DIAPH3: variants seen among roughly 807,000 people sequenced by gnomAD.
The protein encoded by DIAPH3 is diaphanous related formin 3, also known as protein diaphanous homolog 3.
DIAPH3 carries 117 observed loss-of-function variants against 144.3 expected under a neutral mutation model. That is an observed-to-expected ratio of 0.81 (90% CI 0.70 to 0.95). The LOEUF (loss-of-function observed/expected upper bound fraction) is 0.95. DIAPH3 is among the 40% of genes least tolerant of loss of function. The pLI, the probability that DIAPH3 is intolerant of heterozygous loss-of-function variation, is 0.00. For synonymous variants in DIAPH3, 519 were observed against 488.9 expected, an observed-to-expected ratio of 1.06 and a Z score of -0.81; for missense variants, 1,421 against 1,412.7, an observed-to-expected ratio of 1.01 and a Z score of -0.09.
intron 3 of DIAPH3, among the ~76,000 whole-genome samples, chr13:60,104,393 A>G (rs369550567): frequency 2.0e-5 from 3 of 152,342 alleles, no homozygotes; most frequent in South Asian, 4.1e-4. Flanking sequence ...AAAGAAAGTC[A>G]GATGGCTAGC....
intron 27 of DIAPH3, among the ~76,000 whole-genome samples, chr13:59,732,791 T>G (rs1012706061): frequency 1.3e-5 from 2 of 152,050 alleles, no homozygotes; most frequent in African/African-American, 4.8e-5. Flanking sequence ...CCTCTCAAGT[T>G]TTAGGTTTAC....
At chr13:59,666,954 C>G in intron 27 of DIAPH3, 108 bp from the exon 28 acceptor site, 2 of 1,261,382 alleles carry the variant, frequency 1.6e-6, no homozygotes, top group Non-Finnish European at 2.2e-6. Flanking sequence ...AAGTAGTCTT[C>G]TTAGATAGAC....
At position 59,833,180 on chromosome 13, in the gene DIAPH3, T is replaced by C. The variant is rs1376914258; in HGVS notation, c.2954A>G (p.Tyr985Cys). 3 of 1,610,786 alleles carry C rather than the reference T, an allele frequency of 1.9e-6. No homozygotes were observed. The highest frequency in any genetic ancestry group is 2.2e-5 in the East Asian group (1 of 44,724). ...EKLYQSIIGY[Y>C]AIDVKKVSVE... ...AGACACCTTCTTCACATCAATGGCA[T>C]AGTATCCTATTATACTCTGGTATAA... is the stretch of plus-strand genomic sequence containing the variant. Residue 985 changes from tyrosine (Y) to cysteine (C), a missense_variant, in exon 24 of 28, where the codon TAT becomes TGT. Physicochemically the swap from Tyr to Cys is radical, Grantham distance 194. Transcript: ENST00000400324.
intron 20 of DIAPH3, among the ~76,000 whole-genome samples, chr13:59,890,231 C>T (rs1351507547): frequency 6.6e-6 from 1 of 152,056 alleles, no homozygotes; most frequent in Non-Finnish European, 1.5e-5. Context: ...AGTGCTCTGC[C>T]CTGTAGATAC....
At chr13:59,815,834 G>C (rs1246678471) in intron 24 of DIAPH3, among the ~76,000 whole-genome samples, 2 of 151,916 alleles carry the variant, frequency 1.3e-5, no homozygotes, top group African/African-American at 2.4e-5. Context: ...ATTTGTTTTT[G>C]CTATTCATAG....
chr13:59,695,076 A>C (rs1443125020), intron 27 of DIAPH3, among the ~76,000 whole-genome samples: 1 of 152,210 alleles, frequency 6.6e-6, no homozygotes, highest in African/African-American at 2.4e-5. Context: ...ACTTTGAACC[A>C]CTGCCATAGC....
At chr13:60,035,246 G>C (rs1414808934) in intron 5 of DIAPH3, among the ~76,000 whole-genome samples, 1 of 152,014 alleles carries the variant, frequency 6.6e-6, no homozygotes, top group African/African-American at 2.4e-5. Flanking sequence ...TGTGCTCTTT[G>C]TTTACTGTTA....
chr13:59,673,211 C>T lies in DIAPH3; in HGVS notation c.3320-6365G>A, dbSNP rs375944742. Among the ~76,000 whole-genome samples, 17 of 152,308 alleles carry T rather than the reference C, an allele frequency of 1.1e-4. No individual in the cohort carries two copies. The South Asian group carries it at 3.1e-3, about 28-fold the overall frequency. ...ATCTTCCTGATTTGTAATATGCTAC[C>T]TGAGTTGGATACTCTTTTCCATATC... On this transcript the variant is annotated intron_variant, in intron 27 of 27. Coordinates refer to ENST00000400324, the MANE Select transcript of DIAPH3 (RefSeq NM_001042517.2).
intron 4 of DIAPH3, among the ~76,000 whole-genome samples, chr13:60,065,815 G>A (rs773562282): frequency 6.6e-6 from 1 of 152,100 alleles, no homozygotes; most frequent in African/African-American, 2.4e-5. Flanking sequence ...AAACTGGTGG[G>A]GGTGGGTAGG....
At chr13:59,955,513 G>T (rs1001421575) in intron 17 of DIAPH3, among the ~76,000 whole-genome samples, 1 of 152,046 alleles carries the variant, frequency 6.6e-6, no homozygotes, top group South Asian at 2.1e-4. Context: ...ACCCAGTCTC[G>T]GGTATATCTT....
At chr13:59,997,289 G>A (rs2052263655) in intron 9 of DIAPH3, among the ~76,000 whole-genome samples, 1 of 152,002 alleles carries the variant, frequency 6.6e-6, no homozygotes, top group African/African-American at 2.4e-5. Context: ...ACATATAAGT[G>A]AGAACATGTG....
chr13:59,979,559 G>T (rs1484481206), intron 14 of DIAPH3, among the ~76,000 whole-genome samples: 3 of 151,662 alleles, frequency 2.0e-5, no homozygotes, highest in Non-Finnish European at 4.4e-5. Flanking sequence ...GCAGCCGAAG[G>T]CGTGGGAAAT....
intron 5 of DIAPH3, among the ~76,000 whole-genome samples, chr13:60,022,703 CTTAA>C (rs1223851085): frequency 6.6e-6 from 1 of 152,144 alleles, no homozygotes; most frequent in Non-Finnish European, 1.5e-5. Flanking sequence ...ATGACCTCAT[CTTAA>C]TTAATTACAC....
At chr13:60,037,484 T>C (rs1437734796) in intron 5 of DIAPH3, among the ~76,000 whole-genome samples, 1 of 152,054 alleles carries the variant, frequency 6.6e-6, no homozygotes, top group Non-Finnish European at 1.5e-5. Context: ...TTTTGTACCT[T>C]TGAAGTACAT....
intron 27 of DIAPH3, among the ~76,000 whole-genome samples, chr13:59,668,968 G>A (rs2032188604): frequency 6.6e-6 from 1 of 152,064 alleles, no homozygotes; most frequent in African/African-American, 2.4e-5. Flanking sequence ...AGCAAAAGGA[G>A]GTTAAGTCAT....
intron 25 of DIAPH3, among the ~76,000 whole-genome samples, chr13:59,795,744 C>T (rs568046011): frequency 1.1e-4 from 17 of 152,162 alleles, no homozygotes; most frequent in South Asian, 6.2e-4. Context: ...TGAAACACTG[C>T]GCCTGGCCAG....
intron 22 of DIAPH3, among the ~76,000 whole-genome samples, chr13:59,857,341 G>A (rs916801190): frequency 8.5e-5 from 13 of 152,078 alleles, no homozygotes; most frequent in Admixed American, 1.3e-4. Flanking sequence ...TGATGGAAAC[G>A]CATGAGAAAC....
In DIAPH3 at chr13:60,163,883, A is replaced by G. The variant is rs9592020; in HGVS notation, c.-117T>C. Reference sequence around the variant, plus strand: ...GGGGTCCGCCACCCAAACAGTCAGCACAGCCTAGCCCAACCGCTGAAGTCG... The same window carrying G: ...GGGGTCCGCCACCCAAACAGTCAGCGCAGCCTAGCCCAACCGCTGAAGTCG... On this transcript the variant is annotated 5_prime_UTR_variant, in exon 1 of 28. Coordinates refer to ENST00000400324, the MANE Select transcript of DIAPH3 (RefSeq NM_001042517.2). The G allele has an allele frequency of 7.4e-7, 1 of 1,348,566 alleles. No homozygotes were observed. Among genetic ancestry groups the G allele is most frequent in the Non-Finnish European group, 1.0e-6 (1 of 995,858 alleles). The allele number at this position is 1,348,566 out of a possible 1,614,324, so 83.5% of individuals were successfully genotyped here. A position where few individuals can be genotyped will look rare whatever the true frequency, so the allele number is the denominator to read the frequency against.
intron 5 of DIAPH3, among the ~76,000 whole-genome samples, chr13:60,040,176 G>C (rs2055538035): frequency 8.1e-6 from 1 of 123,198 alleles, no homozygotes. Context: ...GCAGTGATCT[G>C]AGATTGCACC....
Sources: gnomAD v4.1 joint callset for allele counts (sites outside exome capture counted in the v4.1 genomes callset) on GRCh38, gnomAD v4.1.1 for gene constraint, MANE v1.5 for transcripts, NCBI Gene and HGNC (gene_info 2026-07-23, HGNC 2026-07-21) for gene names.